CD81: variants seen among roughly 807,000 people sequenced by gnomAD.
CD81 encodes the protein CD81 molecule, also known as CD81 antigen.
CD81 carries 10 observed loss-of-function variants against 30.1 expected under a neutral mutation model. The observed-to-expected ratio is 0.33, with a 90% confidence interval of 0.21 to 0.56. The LOEUF is 0.56. Ranked by LOEUF, CD81 falls within the 20% of genes least tolerant of loss-of-function variation. The probability of loss-of-function intolerance (pLI) is 0.89; values close to 1 mark genes in which losing one functional copy is unlikely to be tolerated. For missense variants in CD81, 263 were observed against 308.7 expected (o/e 0.85, Z 1.11); for synonymous variants, 147 against 126.4 (o/e 1.16, Z -1.10).
At position 2,395,854 on chromosome 11, in the gene CD81, C is replaced by T. The variant is rs1408968377; in HGVS notation, c.460-15C>T. On this transcript the variant is annotated splice_polypyrimidine_tract_variant and intron_variant, in intron 5 of 7. Transcript: ENST00000263645. ...GGCACATCCAGGGCTGACCTTGCAC[C>T]CCTGCTCTCTGCAGCTTGACTGCTG... is the stretch of plus-strand genomic sequence containing the variant. 1.3e-6 allele frequency: 2 copies of T among 1,588,406 alleles called. No individual in the cohort carries two copies. Among genetic ancestry groups the T allele is most frequent in the African/African-American group, 2.7e-5 (2 of 74,558 alleles).
rs899362364 is a variant in CD81 at position 2,397,224 on chromosome 11, C to T, written c.*358C>T. 6.0e-5 allele frequency: 24 copies of T among 397,836 alleles called. No homozygotes were observed. Among genetic ancestry groups the T allele is most frequent in the South Asian group, 8.8e-5 (4 of 45,210 alleles). The allele number at this position is 397,836 out of a possible 1,614,324, so 24.6% of individuals were successfully genotyped here. On this transcript the variant is annotated 3_prime_UTR_variant, in exon 8 of 8. Coordinates refer to ENST00000263645, the MANE Select transcript of CD81 (RefSeq NM_004356.4). ...CTTGGGGGGCTGTGTCCACCCAGCC[C>T]GCCCGTCCTGTGGGCTGCACAGCTC...
At chr11:2,381,062 G>A (rs1176649760) in intron 1 of CD81, among the ~76,000 whole-genome samples, 1 of 152,238 alleles carries the variant, frequency 6.6e-6, no homozygotes, top group Non-Finnish European at 1.5e-5. Context: ...AGGCGCTGTG[G>A]GGGAGGGGGC....
chr11:2,395,999 A>G (rs1589854399), intron 6 of CD81, 29 bp downstream of exon 6: 1 of 1,464,930 alleles, frequency 6.8e-7, no homozygotes, highest in African/African-American at 1.4e-5. Flanking sequence ...GCCGCGCCTG[A>G]CCCCCCGCAT....
At chr11:2,391,776 G>C (rs923282771) in intron 2 of CD81, 3 of 152,282 alleles carry the variant, frequency 2.0e-5, no homozygotes, top group Non-Finnish European at 4.4e-5. Context: ...ACCACCCCCT[G>C]CACGCAGCTG....
intron 2 of CD81, chr11:2,391,431 T>TA (rs1849898496): frequency 6.6e-6 from 1 of 152,538 alleles, no homozygotes; most frequent in African/African-American, 2.4e-5. Context: ...GAGGCCGAAA[T>TA]AGCCCCACAC....
At chr11:2,379,773 C>T (rs902661002) in intron 1 of CD81, among the ~76,000 whole-genome samples, 3 of 152,094 alleles carry the variant, frequency 2.0e-5, no homozygotes, top group African/African-American at 4.8e-5. Context: ...GGCCTGCTCC[C>T]TGCAAAGCAT....
chr11:2,394,356 C>T (rs538299316), intron 3 of CD81, among the ~76,000 whole-genome samples, 164 bp downstream of exon 3: 8 of 152,300 alleles, frequency 5.3e-5, no homozygotes, highest in South Asian at 2.1e-4. Context: ...TAAATCCCAC[C>T]GTGCTTGGTC....
rs142075204 is a variant in CD81, at chr11:2,380,741, C to T, written c.66+3126C>T. Among the ~76,000 whole-genome samples, 902 of 152,318 alleles carry T rather than the reference C, an allele frequency of 5.9e-3. 8 individuals carry two copies. The highest frequency in any genetic ancestry group is 0.02 in the African/African-American group (850 of 41,576). ...TTGTGTCCCGGGACAGGGAACTGGC[C>T]TGTGGGAGCCTTGCCTTCCTCATCT... On this transcript the variant is annotated intron_variant, in intron 1 of 7. Coordinates refer to ENST00000263645, the MANE Select transcript of CD81 (RefSeq NM_004356.4).
intron 6 of CD81, 83 bp from the exon 7 acceptor site, chr11:2,396,545 G>C (rs1589854760): frequency 8.4e-7 from 1 of 1,189,898 alleles, no homozygotes; most frequent in East Asian, 2.3e-5. Context: ...GCTTTCTGTG[G>C]TGACCACGGA....
intron 1 of CD81, among the ~76,000 whole-genome samples, chr11:2,385,155 G>A (rs868764087): frequency 1.8e-4 from 27 of 152,162 alleles, no homozygotes; most frequent in African/African-American, 6.3e-4. Flanking sequence ...CACTGGCCCC[G>A]GGGAGTTCAG....
chr11:2,387,078 A>T (rs1415438371), intron 1 of CD81, among the ~76,000 whole-genome samples: 2 of 152,232 alleles, frequency 1.3e-5, no homozygotes, highest in African/African-American at 4.8e-5. Context: ...TTAGGACGGT[A>T]TGCCCATTAG....
At position 2,395,263 on chromosome 11, in the gene CD81, C is replaced by T; in HGVS notation, c.355-153C>T. On this transcript the variant is annotated intron_variant, in intron 4 of 7. Transcript: ENST00000263645. ...CCGTGTCCCAGCACTCCCGGGGCAG[C>T]TGAGAGTGCAGAGTCCTTGTCCTCT... 3 of 748,350 alleles carry T rather than the reference C, an allele frequency of 4.0e-6. No homozygotes were observed. The South Asian group carries it at 4.6e-5, about 12-fold the overall frequency. The allele number at this position is 748,350 out of a possible 1,614,324, so 46.4% of individuals were successfully genotyped here. A position where few individuals can be genotyped will look rare whatever the true frequency, so the allele number is the denominator to read the frequency against.
Position 2,395,789 on chromosome 11 carries a change from G to A in CD81, c.460-80G>A, listed in dbSNP as rs1564995751. The A allele has an allele frequency of 9.4e-6, 9 of 954,280 alleles. No individual in the cohort carries two copies. In the East Asian group the frequency reaches 2.1e-4, roughly 23 times the overall value. The allele number at this position is 954,280 out of a possible 1,614,324, so 59.1% of individuals were successfully genotyped here. A position where few individuals can be genotyped will look rare whatever the true frequency, so the allele number is the denominator to read the frequency against. Reference sequence around the variant, plus strand: ...CAGTGGGGAGCGCTGCGTACCCCTGGCCACCTCCCCATGGGTTCCCTAGAG... The same window carrying A: ...CAGTGGGGAGCGCTGCGTACCCCTGACCACCTCCCCATGGGTTCCCTAGAG... On this transcript the variant is annotated intron_variant, in intron 5 of 7. Coordinates refer to ENST00000263645, the MANE Select transcript of CD81 (RefSeq NM_004356.4).
Position 2,395,452 on chromosome 11 carries a change from C to T in CD81, c.391C>T (p.Leu131=). ...TGTGAAGCAGTTCTATGACCAGGCC[C>T]TACAGCAGGCCGTGGTGGATGATGA... is the stretch of plus-strand genomic sequence containing the variant. The part of the protein sequence containing the change: ...KDVKQFYDQA[L]QQAVVDDDAN... Residue 131 remains leucine, a synonymous_variant, in exon 5 of 8, where the codon CTA becomes TTA. Coordinates refer to ENST00000263645, the MANE Select transcript of CD81 (RefSeq NM_004356.4). 1.9e-6 allele frequency: 3 copies of T among 1,612,856 alleles called. No individual in the cohort carries two copies. Among genetic ancestry groups the T allele is most frequent in the Non-Finnish European group, 2.5e-6 (3 of 1,179,932 alleles).
chr11:2,397,199 C>A lies in CD81; in HGVS notation c.*333C>A, dbSNP rs1415327479. The A allele has an allele frequency of 2.3e-6, 1 of 425,672 alleles. No homozygotes were observed. The highest frequency in any genetic ancestry group is 4.4e-6 in the Non-Finnish European group (1 of 227,920). The allele number at this position is 425,672 out of a possible 1,614,324, so 26.4% of individuals were successfully genotyped here. On this transcript the variant is annotated 3_prime_UTR_variant, in exon 8 of 8. Transcript: ENST00000263645. ...TCGCCCAGAGACTCAGCTTGGCCAA[C>A]TTGGGGGGCTGTGTCCACCCAGCCC...
intron 1 of CD81, among the ~76,000 whole-genome samples, chr11:2,379,600 C>T (rs2133440156): frequency 6.6e-6 from 1 of 152,126 alleles, no homozygotes; most frequent in African/African-American, 2.4e-5. Context: ...GCCCCTCCTG[C>T]CTGCCCAGGC....
At chr11:2,395,084 A>C in intron 4 of CD81, 38 bp downstream of exon 4, 7 of 1,523,646 alleles carry the variant, frequency 4.6e-6, no homozygotes, top group Non-Finnish European at 6.4e-6. Context: ...GGGGTGGGTG[A>C]CGGGGGCACC....
At position 2,390,479 on chromosome 11, in the gene CD81, TG is replaced by T; in HGVS notation, c.135del (p.Tyr46IlefsTer15). On this transcript the variant is annotated frameshift_variant, in exon 2 of 8. Transcript: ENST00000263645. LOFTEE classifies it high-confidence loss of function. ...CATGACCCGCAGACCACCAACCTCC[TG>T]TATCTGGAGCTGGGAGACAAGCCCG... ...LRHDPQTTNL[L>X]YLELGDKPAP... The T allele has an allele frequency of 1.2e-6, 2 of 1,612,964 alleles. No individual in the cohort carries two copies. Among genetic ancestry groups the T allele is most frequent in the Non-Finnish European group, 1.7e-6 (2 of 1,179,976 alleles).
rs1379028789 is a variant in CD81, at chr11:2,396,128, G to A, written c.561+158G>A. 6 of 453,720 alleles carry A rather than the reference G, an allele frequency of 1.3e-5. 1 individual carries two copies. Among genetic ancestry groups the A allele is most frequent in the Admixed American group, 2.4e-5 (1 of 41,832 alleles). 28.1% of individuals were successfully genotyped at this position (453,720 alleles called of 1,614,324 possible). On this transcript the variant is annotated intron_variant, in intron 6 of 7. Coordinates refer to ENST00000263645, the MANE Select transcript of CD81 (RefSeq NM_004356.4). The stretch of plus-strand genomic sequence containing the variant: ...TGCTCTGCTGGGAGGGTTGGGGTGG[G>A]ACCGCATCTGGCCCACGAGGAAGGC...
Sources: allele counts gnomAD v4.1 joint callset (sites outside exome capture counted in the v4.1 genomes callset), GRCh38; gene constraint gnomAD v4.1.1; transcripts MANE v1.5; gene names NCBI Gene and HGNC (gene_info 2026-07-23, HGNC 2026-07-21).